The following LDLRAD3 variants were observed in gnomAD, a reference collection of about 807,000 sequenced individuals.
LDLRAD3 encodes the protein low-density lipoprotein receptor class A domain-containing protein 3.
A neutral mutation model predicts 29.4 loss-of-function variants in LDLRAD3; 20 were observed. The ratio of observed to expected loss-of-function variants is 0.68; its 90% CI spans 0.48 to 0.99. LDLRAD3 has a LOEUF of 0.99. LDLRAD3 is among the 50% of genes least tolerant of loss of function. The pLI is 0.00. For missense variants in LDLRAD3, 420 were observed against 454.3 expected (o/e 0.92, Z 0.69); for synonymous variants, 157 against 192.7 (o/e 0.81, Z 1.53).
chr11:36,133,195 A>ATTTTTTT (rs1853951016), intron 4 of LDLRAD3, among the ~76,000 whole-genome samples: 1 of 45,934 alleles, frequency 2.2e-5, no homozygotes, highest in Non-Finnish European at 4.6e-5. Context: ...CCATTTGTCC[A>ATTTTTTT]TTTTCTTTTT....
At chr11:36,152,545 C>T (rs1012482471) in intron 4 of LDLRAD3, among the ~76,000 whole-genome samples, 2 of 152,098 alleles carry the variant, frequency 1.3e-5, no homozygotes, top group African/African-American at 4.8e-5. Flanking sequence ...CTATTCACTC[C>T]CACCAAAAAA....
chr11:36,103,332 G>A (rs1853478343), intron 4 of LDLRAD3, among the ~76,000 whole-genome samples: 1 of 150,778 alleles, frequency 6.6e-6, no homozygotes, highest in South Asian at 2.1e-4. Context: ...CCACCTCCCG[G>A]GTTCACACCA....
At chr11:36,027,103 G>A (rs931768345) in intron 1 of LDLRAD3, among the ~76,000 whole-genome samples, 2 of 152,162 alleles carry the variant, frequency 1.3e-5, no homozygotes, top group African/African-American at 4.8e-5. Context: ...ACTAGGAGTT[G>A]CCAAATTGCT....
intron 1 of LDLRAD3, among the ~76,000 whole-genome samples, chr11:36,035,360 C>T (rs1852290232): frequency 6.6e-6 from 1 of 152,122 alleles, no homozygotes; most frequent in Non-Finnish European, 1.5e-5. Flanking sequence ...CGCCACAGCA[C>T]TGGTGTTCTC....
At chr11:36,042,001 A>T (rs1419823770) in intron 2 of LDLRAD3, among the ~76,000 whole-genome samples, 3 of 152,228 alleles carry the variant, frequency 2.0e-5, no homozygotes, top group Admixed American at 6.5e-5. Context: ...ACTTGCTTTT[A>T]CTGTTCCTGA....
At chr11:36,084,127 G>T (rs1853161485) in intron 3 of LDLRAD3, among the ~76,000 whole-genome samples, 1 of 151,922 alleles carries the variant, frequency 6.6e-6, no homozygotes. Context: ...ATTTTACCCT[G>T]TTGCCCAAGC....
chr11:35,971,118 G>T (rs894370092), intron 1 of LDLRAD3, among the ~76,000 whole-genome samples: 2 of 152,130 alleles, frequency 1.3e-5, no homozygotes, highest in African/African-American at 4.8e-5. Flanking sequence ...ATGAAAGGGT[G>T]CCATTTCTTC....
At chr11:36,116,617 T>C (rs1024280162) in intron 4 of LDLRAD3, among the ~76,000 whole-genome samples, 5 of 152,060 alleles carry the variant, frequency 3.3e-5, no homozygotes, top group Non-Finnish European at 7.4e-5. Flanking sequence ...CTGCATTATG[T>C]GGTTCTCTTC....
chr11:36,089,181 C>T (rs1205633965), intron 3 of LDLRAD3, among the ~76,000 whole-genome samples: 2 of 152,180 alleles, frequency 1.3e-5, no homozygotes, highest in Non-Finnish European at 2.9e-5. Flanking sequence ...AAGTGAACTG[C>T]TTGGCTGACA....
At chr11:36,226,996 G>T (rs1018626852) in intron 4 of LDLRAD3, 89 bp from the exon 5 acceptor site, 2 of 1,038,746 alleles carry the variant, frequency 1.9e-6, no homozygotes, top group Admixed American at 2.3e-5. Context: ...GTGAACATTC[G>T]CATGCAAGTT....
chr11:36,141,001 T>TCC (rs1163443249), intron 4 of LDLRAD3, among the ~76,000 whole-genome samples: 7 of 107,802 alleles, frequency 6.5e-5, no homozygotes, highest in African/African-American at 2.4e-4. Flanking sequence ...TTTCTCTCTC[T>TCC]CTCTCTCTCT....
intron 1 of LDLRAD3, among the ~76,000 whole-genome samples, chr11:35,955,268 A>G (rs1851187511): frequency 6.6e-6 from 1 of 152,200 alleles, no homozygotes; most frequent in Non-Finnish European, 1.5e-5. Flanking sequence ...ACAAAAAAAC[A>G]GTATTAAACA....
chr11:36,231,203 T>C lies in LDLRAD3; in HGVS notation c.*1806T>C, dbSNP rs1855571088. 1 of 152,404 alleles carries C rather than the reference T, an allele frequency of 6.6e-6. No homozygotes were observed. Among genetic ancestry groups the C allele is most frequent in the South Asian group, 2.1e-4 (1 of 4,824 alleles). The allele number at this position is 152,404 out of a possible 1,614,324, so 9.4% of individuals were successfully genotyped here. A position where few individuals can be genotyped will look rare whatever the true frequency, so the allele number is the denominator to read the frequency against. On this transcript the variant is annotated 3_prime_UTR_variant, in exon 6 of 6. Transcript: ENST00000315571. ...GAAGTGGGGCTAAAGTGGCATTCAG[T>C]GATCCTGTTCTGTAGACTTTTCTTT...
intron 1 of LDLRAD3, among the ~76,000 whole-genome samples, chr11:35,991,914 G>C (rs1851696849): frequency 7.8e-6 from 1 of 128,952 alleles, no homozygotes; most frequent in African/African-American, 4.4e-5. Context: ...TAGCAGGGGA[G>C]GCTCAGAGTT....
At chr11:35,959,865 G>A (rs1168063250) in intron 1 of LDLRAD3, among the ~76,000 whole-genome samples, 1 of 152,170 alleles carries the variant, frequency 6.6e-6, no homozygotes, top group Non-Finnish European at 1.5e-5. Context: ...CCAGAAGGCT[G>A]AGGTTGCTGT....
chr11:36,075,538 A>T (rs984332531), intron 2 of LDLRAD3, among the ~76,000 whole-genome samples: 2 of 152,208 alleles, frequency 1.3e-5, no homozygotes, highest in Non-Finnish European at 2.9e-5. Flanking sequence ...AATTAATAAC[A>T]TATTGCGGAA....
chr11:35,963,793 C>G (rs533184626), intron 1 of LDLRAD3, among the ~76,000 whole-genome samples: 1 of 152,240 alleles, frequency 6.6e-6, no homozygotes, highest in East Asian at 1.9e-4. Flanking sequence ...GCTTATTGTT[C>G]GCTTACTTGT....
intron 4 of LDLRAD3, among the ~76,000 whole-genome samples, chr11:36,173,170 A>G (rs1294038137): frequency 1.3e-5 from 2 of 152,044 alleles, no homozygotes; most frequent in East Asian, 1.9e-4. Flanking sequence ...ATCACCTATA[A>G]TATCTCCCAT....
chr11:36,056,178 A>G (rs1590230742), intron 2 of LDLRAD3, among the ~76,000 whole-genome samples: 1 of 152,044 alleles, frequency 6.6e-6, no homozygotes, highest in Non-Finnish European at 1.5e-5. Context: ...TATTTTTAGT[A>G]GAGACAGGGT....
Sources: gnomAD v4.1 joint callset for allele counts (sites outside exome capture counted in the v4.1 genomes callset) on GRCh38, gnomAD v4.1.1 for gene constraint, MANE v1.5 for transcripts, NCBI Gene and HGNC (gene_info 2026-07-23, HGNC 2026-07-21) for gene names.